The following SORCS3 variants were observed in gnomAD, a reference collection of about 807,000 sequenced individuals.
SORCS3 encodes VPS10 domain-containing receptor SorCS3.
In SORCS3, 57 loss-of-function variants were observed where a neutral mutation model predicts 146.3. The observed-to-expected ratio is 0.39, with a 90% CI of 0.31 to 0.49. The LOEUF is 0.49. Among genes scored for constraint, SORCS3 ranks in the 20% least tolerant of loss-of-function variants. SORCS3 has a pLI of 0.92. For synonymous variants in SORCS3, 653 were observed against 618.5 expected (o/e 1.06, Z -0.83); for missense variants, 1,341 against 1,575.5 (o/e 0.85, Z 2.52).
At chr10:105,174,680 T>C (rs1333736574) in intron 13 of SORCS3, among the ~76,000 whole-genome samples, 1 of 152,152 alleles carries the variant, frequency 6.6e-6, no homozygotes, top group Non-Finnish European at 1.5e-5. Context: ...CTTCAGTTAT[T>C]GTCTATGCTA....
intron 7 of SORCS3, among the ~76,000 whole-genome samples, chr10:105,114,470 G>A (rs1410754221): frequency 6.6e-6 from 1 of 152,144 alleles, no homozygotes; most frequent in African/African-American, 2.4e-5. Flanking sequence ...TTTTAAGTGA[G>A]CCTGTAGTAC....
chr10:104,775,485 G>A (rs1288111481), intron 1 of SORCS3, among the ~76,000 whole-genome samples: 2 of 152,186 alleles, frequency 1.3e-5, no homozygotes, highest in Non-Finnish European at 2.9e-5. Context: ...ATGATGATCA[G>A]TACTGGCAGT....
chr10:105,222,014 CCT>C (rs1429256198), intron 19 of SORCS3, among the ~76,000 whole-genome samples: 4 of 149,188 alleles, frequency 2.7e-5, no homozygotes, highest in Admixed American at 2.0e-4. Flanking sequence ...AAACTATTTA[CCT>C]CTCAGATGCA....
At chr10:104,915,777 A>G (rs1047203109) in intron 2 of SORCS3, 56 bp from the exon 3 acceptor site, 19 of 1,478,022 alleles carry the variant, frequency 1.3e-5, no homozygotes, top group African/African-American at 2.8e-5. Flanking sequence ...CCCTTTAGAC[A>G]TAGCTGCCCA....
chr10:104,688,754 G>T (rs775652295), intron 1 of SORCS3, among the ~76,000 whole-genome samples: 4 of 152,004 alleles, frequency 2.6e-5, no homozygotes, highest in African/African-American at 4.8e-5. Flanking sequence ...GGATTCTGAC[G>T]CATCCTTAGT....
chr10:104,677,501 C>A (rs745659162), intron 1 of SORCS3, among the ~76,000 whole-genome samples: 28 of 152,300 alleles, frequency 1.8e-4, no homozygotes, highest in Non-Finnish European at 3.1e-4. Context: ...CATTAGCCAG[C>A]CTGTCGCAGC....
chr10:104,696,226 A>ATATGATATATATCATATACACATATATG, intron 1 of SORCS3, among the ~76,000 whole-genome samples: 1 of 23,592 alleles, frequency 4.2e-5, no homozygotes, highest in African/African-American at 1.9e-4. Context: ...ACACATATAT[A>ATATGATATATATCATATACACATATATG]ATATATATCA....
chr10:105,242,630 A>G (rs1255435271), intron 20 of SORCS3, among the ~76,000 whole-genome samples: 1 of 103,442 alleles, frequency 9.7e-6, no homozygotes, highest in Non-Finnish European at 1.7e-5. Flanking sequence ...ATATATATTT[A>G]TATACATTTA....
At chr10:105,247,466 G>A in intron 22 of SORCS3, 135 bp downstream of exon 22, 2 of 528,756 alleles carry the variant, frequency 3.8e-6, no homozygotes, top group Non-Finnish European at 6.6e-6. Context: ...AGAGAGAGAA[G>A]AGGCTGGGTG....
chr10:104,803,826 C>G (rs1431701878), intron 1 of SORCS3, among the ~76,000 whole-genome samples: 1 of 152,178 alleles, frequency 6.6e-6, no homozygotes, highest in Non-Finnish European at 1.5e-5. Flanking sequence ...TCTCCTCCAG[C>G]TCTTCCTTGG....
chr10:105,007,659 C>T (rs2055105201), intron 4 of SORCS3, among the ~76,000 whole-genome samples: 1 of 152,044 alleles, frequency 6.6e-6, no homozygotes, highest in Non-Finnish European at 1.5e-5. Context: ...CTCCCCCAAC[C>T]CCCCAAAAAA....
chr10:105,054,372 C>A (rs1377639055), intron 5 of SORCS3, among the ~76,000 whole-genome samples: 2 of 151,538 alleles, frequency 1.3e-5, no homozygotes, highest in Admixed American at 6.6e-5. Flanking sequence ...ATTTGAAATG[C>A]AGCCTTATTC....
chr10:104,757,608 G>T (rs922688761), intron 1 of SORCS3, among the ~76,000 whole-genome samples: 1 of 152,138 alleles, frequency 6.6e-6, no homozygotes, highest in African/African-American at 2.4e-5. Context: ...TTTATTGTTG[G>T]GTTGGGGGGA....
At chr10:104,721,370 G>A (rs980764140) in intron 1 of SORCS3, among the ~76,000 whole-genome samples, 13 of 152,182 alleles carry the variant, frequency 8.5e-5, no homozygotes, top group Admixed American at 2.6e-4. Context: ...TGCTGTTTTG[G>A]TTACTGTAGC....
At chr10:104,887,968 G>GT (rs1564706333) in intron 2 of SORCS3, among the ~76,000 whole-genome samples, 2 of 120,110 alleles carry the variant, frequency 1.7e-5, no homozygotes, top group African/African-American at 6.8e-5. Context: ...GCGGGGGGGC[G>GT]GGGGCGGAGC....
At chr10:104,806,394 T>C (rs2017680041) in intron 1 of SORCS3, among the ~76,000 whole-genome samples, 1 of 152,218 alleles carries the variant, frequency 6.6e-6, no homozygotes, top group Non-Finnish European at 1.5e-5. Context: ...CTGTAAGTTC[T>C]AGAACCCTCT....
intron 1 of SORCS3, among the ~76,000 whole-genome samples, chr10:104,720,042 T>C (rs575352667): frequency 3.3e-5 from 5 of 152,152 alleles, no homozygotes; most frequent in African/African-American, 9.6e-5. Flanking sequence ...TTGTGACATA[T>C]GTATACATGT....
rs1213600869 is a variant in SORCS3 at position 105,206,227 on chromosome 10, A to G, written c.2262-4910A>G. Among the ~76,000 whole-genome samples the G allele has an allele frequency of 2.0e-5, 3 of 152,248 alleles. No homozygotes were observed. The East Asian group carries it at 5.8e-4, about 29-fold the overall frequency. ...AAATATACAAAAGAGTTATTGCACTAAAAGAAGGCATAGCAGAAAATAATG... is the reference window on the plus strand; with the variant it reads ...AAATATACAAAAGAGTTATTGCACTGAAAGAAGGCATAGCAGAAAATAATG... On this transcript the variant is annotated intron_variant, in intron 16 of 26. Coordinates refer to ENST00000369701, the MANE Select transcript of SORCS3 (RefSeq NM_014978.3).
In SORCS3 at chr10:104,742,767, G is replaced by A. The variant is rs138519661; in HGVS notation, c.628-100025G>A. Among the ~76,000 whole-genome samples, 1,070 of 152,270 alleles carry A rather than the reference G, an allele frequency of 7.0e-3. 7 individuals are homozygous for A. Among genetic ancestry groups the A allele is most frequent in the African/African-American group, 0.025 (1,020 of 41,544 alleles). ...GTAAGTGTAGCACAGTAAGCGCAGG[G>A]AGACTCAGGGCAGTCAGTGGTCCTA... On this transcript the variant is annotated intron_variant, in intron 1 of 26. Transcript: ENST00000369701.
Sources: gnomAD v4.1 joint callset for allele counts (sites outside exome capture counted in the v4.1 genomes callset) on GRCh38, gnomAD v4.1.1 for gene constraint, MANE v1.5 for transcripts, NCBI Gene and HGNC (gene_info 2026-07-23, HGNC 2026-07-21) for gene names.